The following RNF17 variants were observed in gnomAD, a reference collection of about 807,000 sequenced individuals.
The protein encoded by RNF17 is spermatogenesis associated 23.
A neutral mutation model predicts 200.5 loss-of-function variants in RNF17; 31 were observed. The observed-to-expected ratio is 0.15, with a 90% CI of 0.12 to 0.21. RNF17 has a LOEUF of 0.21. RNF17 is among the 10% of genes least tolerant of loss of function. The pLI is 1.00. For synonymous variants in RNF17, 606 were observed against 637.8 expected (o/e 0.95, Z 0.75); for missense variants, 1,628 against 1,905.1 (o/e 0.85, Z 2.71).
chr13:24,802,358 T>C (rs1276392643), intron 13 of RNF17, 23 bp from the exon 14 acceptor site: 1 of 1,576,028 alleles, frequency 6.3e-7, no homozygotes, highest in African/African-American at 1.4e-5. Context: ...TTAATTACTA[T>C]GGAATTTTAC....
Position 24,852,301 on chromosome 13 carries a change from G to A in RNF17, c.3320+730G>A, listed in dbSNP as rs139326087. ...CTACAGGTGGCCGCCACCTCGCCTG[G>A]CTAATTTTTTGTATTTTTAGTAGAG... On this transcript the variant is annotated intron_variant, in intron 24 of 35. Transcript: ENST00000255324. 9.1e-4 allele frequency among the ~76,000 whole-genome samples: 139 copies of A among 152,124 alleles called. No individual in the cohort carries two copies. In the East Asian group the frequency reaches 0.024, roughly 26 times the overall value.
downstream of RNF17, chr13:24,883,488 G>A: frequency 1.4e-6 from 1 of 733,464 alleles, no homozygotes; most frequent in Non-Finnish European, 2.2e-6. Context: ...ACATCCCTTG[G>A]TTATCCCTAT....
chr13:24,755,055 T>C, the RNF17 span, among the ~76,000 whole-genome samples: 1 of 152,198 alleles, frequency 6.6e-6, no homozygotes. Context: ...CCTATATAGG[T>C]ATATAATATC....
chr13:24,878,197 TAATC>T (rs994469106), intron 34 of RNF17, among the ~76,000 whole-genome samples: 1 of 152,210 alleles, frequency 6.6e-6, no homozygotes, highest in Non-Finnish European at 1.5e-5. Context: ...AATGAGCTCA[TAATC>T]AGTCAGCATG....
chr13:24,800,794 G>T (rs1566151199), intron 13 of RNF17, among the ~76,000 whole-genome samples: 1 of 152,122 alleles, frequency 6.6e-6, no homozygotes, highest in East Asian at 1.9e-4. Flanking sequence ...AGTAATTTTG[G>T]AGTCAACTAT....
intron 15 of RNF17, among the ~76,000 whole-genome samples, chr13:24,809,784 A>G (rs953367041): frequency 1.1e-4 from 16 of 152,210 alleles, no homozygotes; most frequent in South Asian, 4.2e-4. Flanking sequence ...ATTTAGTGCT[A>G]TAAATTTCCC....
intron 15 of RNF17, among the ~76,000 whole-genome samples, chr13:24,811,581 G>A (rs1886624888): frequency 6.6e-6 from 1 of 151,952 alleles, no homozygotes; most frequent in Admixed American, 6.6e-5. Flanking sequence ...TTTGCCTTTG[G>A]TTTGAATGTC....
At chr13:24,748,394 A>G in the RNF17 span, among the ~76,000 whole-genome samples, 1,917 of 152,364 alleles carry the variant, frequency 0.013, 116 homozygotes, top group Admixed American at 0.1. Context: ...TAGAAAATCT[A>G]CAAAAGTATG....
intron 18 of RNF17, among the ~76,000 whole-genome samples, chr13:24,834,477 T>A (rs569504120): frequency 2.4e-4 from 36 of 152,154 alleles, no homozygotes; most frequent in African/African-American, 8.4e-4. Context: ...AGCGGACTGC[T>A]CCTGGAGGAC....
intron 3 of RNF17, among the ~76,000 whole-genome samples, chr13:24,777,895 A>T (rs1881788741): frequency 6.6e-6 from 1 of 152,184 alleles, no homozygotes; most frequent in South Asian, 2.1e-4. Context: ...TATATGAATT[A>T]TTTTTTATGG....
intron 5 of RNF17, among the ~76,000 whole-genome samples, chr13:24,781,455 G>T (rs995213512): frequency 6.6e-6 from 1 of 151,572 alleles, no homozygotes; most frequent in African/African-American, 2.4e-5. Context: ...AACATAATGA[G>T]ACTTTGTTCC....
intron 19 of RNF17, among the ~76,000 whole-genome samples, chr13:24,842,733 G>C (rs956451873): frequency 3.9e-5 from 6 of 152,054 alleles, no homozygotes; most frequent in Admixed American, 2.6e-4. Context: ...TTGTGCAGTG[G>C]GAGTGGCCCT....
At chr13:24,859,463 C>A (rs1892861406) in intron 26 of RNF17, among the ~76,000 whole-genome samples, 1 of 152,036 alleles carries the variant, frequency 6.6e-6, no homozygotes, top group African/African-American at 2.4e-5. Flanking sequence ...ATATGTTTTC[C>A]AGTATGTTAA....
intron 6 of RNF17, 60 bp from the exon 7 acceptor site, chr13:24,787,928 C>G: frequency 7.4e-7 from 1 of 1,343,238 alleles, no homozygotes; most frequent in South Asian, 1.6e-5. Context: ...TACTATAGAT[C>G]GACTTTTTCT....
chr13:24,821,139 C>G (rs1403082874), intron 15 of RNF17, among the ~76,000 whole-genome samples: 1 of 152,130 alleles, frequency 6.6e-6, no homozygotes, highest in Non-Finnish European at 1.5e-5. Context: ...GCTGCATCAC[C>G]CTGATCTCTC....
chr13:24,820,801 A>G (rs1347821061), intron 15 of RNF17, among the ~76,000 whole-genome samples: 1 of 152,078 alleles, frequency 6.6e-6, no homozygotes. Flanking sequence ...TGTATATGAC[A>G]TGTTGCATCT....
intron 15 of RNF17, among the ~76,000 whole-genome samples, chr13:24,824,784 A>G (rs1888446523): frequency 6.6e-6 from 1 of 152,228 alleles, no homozygotes; most frequent in Admixed American, 6.5e-5. Context: ...CTTCGTTATT[A>G]CAAGGGCATA....
At chr13:24,768,750 C>T (rs955968853) in intron 2 of RNF17, among the ~76,000 whole-genome samples, 1 of 151,754 alleles carries the variant, frequency 6.6e-6, no homozygotes, top group African/African-American at 2.4e-5. Context: ...GGATATAATA[C>T]CTGCTTTGTC....
In RNF17 at chr13:24,868,730, A is replaced by G. The variant is rs1217891801; in HGVS notation, c.4278+14A>G. 1 of 1,276,712 alleles carries G rather than the reference A, an allele frequency of 7.8e-7. No homozygotes were observed. Among genetic ancestry groups the G allele is most frequent in the Non-Finnish European group, 1.1e-6 (1 of 874,058 alleles). The allele number at this position is 1,276,712 out of a possible 1,614,324, so 79.1% of individuals were successfully genotyped here. On this transcript the variant is annotated intron_variant, in intron 31 of 35. Transcript: ENST00000255324. ...TCACCTAATGAAGTATGTGATCTAA[A>G]TGATTAGTTGGTGATTAAAAATGTA...
Sources: gnomAD v4.1 joint callset for allele counts (sites outside exome capture counted in the v4.1 genomes callset) on GRCh38, gnomAD v4.1.1 for gene constraint, MANE v1.5 for transcripts, NCBI Gene and HGNC (gene_info 2026-07-23, HGNC 2026-07-21) for gene names.